DAB1: variants seen among roughly 807,000 people sequenced by gnomAD.
The protein encoded by DAB1 is disabled homolog 1.
Under a neutral mutation model 64.6 loss-of-function variants are expected in DAB1, and 15 were observed. The observed-to-expected ratio is 0.23, with a 90% CI of 0.16 to 0.36. The LOEUF is 0.36. Ranked by LOEUF, DAB1 falls within the 10% of genes least tolerant of loss-of-function variation. The probability of loss-of-function intolerance (pLI) is 1.00; values close to 1 mark genes in which losing one functional copy is unlikely to be tolerated. For synonymous variants in DAB1, 235 were observed against 251.9 expected, an observed-to-expected ratio of 0.93 and a Z score of 0.64; for missense variants, 596 against 706.7, an observed-to-expected ratio of 0.84 and a Z score of 1.78.
At chr1:58,470,472 C>G (rs1040994357) in intron 3 of DAB1, among the ~76,000 whole-genome samples, 1 of 152,158 alleles carries the variant, frequency 6.6e-6, no homozygotes, top group African/African-American at 2.4e-5. Flanking sequence ...CCGCACCTAG[C>G]CAGAGCTGGG....
At chr1:57,131,373 C>T (rs1319147675) in intron 4 of DAB1, among the ~76,000 whole-genome samples, 1 of 152,114 alleles carries the variant, frequency 6.6e-6, no homozygotes, top group African/African-American at 2.4e-5. Flanking sequence ...TCCATGAAAG[C>T]CTGCTCTAAA....
At chr1:57,342,716 G>C (rs11207015) in intron 1 of DAB1, among the ~76,000 whole-genome samples, 77,542 of 151,910 alleles carry the variant, frequency 0.51, 20,528 homozygotes, top group Non-Finnish European at 0.56. Flanking sequence ...GATGTGTTCA[G>C]AGTTTCTTCC....
At chr1:57,824,617 C>T (rs1052874338), downstream of DAB1, among the ~76,000 whole-genome samples, 1 of 152,180 alleles carries the variant, frequency 6.6e-6, no homozygotes, top group Non-Finnish European at 1.5e-5. Context: ...ATACATGTCA[C>T]ATTTTCAGTA....
intron 4 of DAB1, among the ~76,000 whole-genome samples, chr1:58,277,619 C>T (rs1304678455): frequency 1.3e-5 from 2 of 152,166 alleles, no homozygotes; most frequent in Non-Finnish European, 2.9e-5. Flanking sequence ...TGCCATTGCT[C>T]TGGGAACTCA....
chr1:57,004,054 T>C (rs1645971973), intron 14 of DAB1, among the ~76,000 whole-genome samples: 1 of 152,160 alleles, frequency 6.6e-6, no homozygotes, highest in South Asian at 2.1e-4. Context: ...TCATAGAAGG[T>C]TGAAGCTGGA....
intron 2 of DAB1, among the ~76,000 whole-genome samples, chr1:57,165,080 A>C (rs1479499583): frequency 1.3e-5 from 2 of 152,134 alleles, no homozygotes; most frequent in Non-Finnish European, 2.9e-5. Flanking sequence ...AAAAAGAGAA[A>C]GTTTCGGTTG....
intron 9 of DAB1, among the ~76,000 whole-genome samples, chr1:57,061,228 T>TGGGG (rs5774326): frequency 2.6e-5 from 3 of 114,744 alleles, no homozygotes; most frequent in East Asian, 2.3e-4. Flanking sequence ...CATATTTAGA[T>TGGGG]GGGGGGGGGG....
At chr1:58,209,056 G>A (rs540986435) in intron 4 of DAB1, among the ~76,000 whole-genome samples, 2 of 152,156 alleles carry the variant, frequency 1.3e-5, no homozygotes, top group Non-Finnish European at 1.5e-5. Context: ...GAGTTTTTCA[G>A]GAGATAAGTG....
chr1:58,258,019 G>C (rs895553031), intron 4 of DAB1, among the ~76,000 whole-genome samples: 6 of 152,180 alleles, frequency 3.9e-5, no homozygotes, highest in Non-Finnish European at 8.8e-5. Context: ...TACTGTTACC[G>C]TGGTGGGGAG....
At chr1:57,796,452 G>C (rs531531355) in intron 6 of DAB1, among the ~76,000 whole-genome samples, 9 of 151,972 alleles carry the variant, frequency 5.9e-5, no homozygotes, top group Non-Finnish European at 2.9e-5. Flanking sequence ...GCATGAACCC[G>C]GGAGGTGGAG....
intron 4 of DAB1, among the ~76,000 whole-genome samples, chr1:58,299,196 C>T (rs762660562): frequency 1.4e-4 from 22 of 152,178 alleles, no homozygotes; most frequent in Non-Finnish European, 2.6e-4. Flanking sequence ...TTTACAGACG[C>T]TCAAACTAAG....
chr1:57,476,052 C>CT (rs1212153273), intron 7 of DAB1, among the ~76,000 whole-genome samples: 2 of 151,932 alleles, frequency 1.3e-5, no homozygotes, highest in Non-Finnish European at 2.9e-5. Flanking sequence ...TTGTGAAACT[C>CT]TGTCTCCGCT....
At chr1:57,572,119 G>A (rs1254588823) in intron 7 of DAB1, among the ~76,000 whole-genome samples, 1 of 152,156 alleles carries the variant, frequency 6.6e-6, no homozygotes, top group Non-Finnish European at 1.5e-5. Context: ...GGGCCCAGAG[G>A]TCTAGAAAAC....
In DAB1 at chr1:58,113,126, G is replaced by A. The variant is rs946312; in HGVS notation, n.387+37385C>T. On this transcript the variant is annotated intron_variant and non_coding_transcript_variant, in intron 5 of 20. Transcript: ENST00000485760. Reference sequence around the variant, plus strand: ...GAAGGGTGAGGGCTGCAAAAGGATCGTGGCACAGAGGAGGGTGCCAGAAAC... The same window carrying A: ...GAAGGGTGAGGGCTGCAAAAGGATCATGGCACAGAGGAGGGTGCCAGAAAC... 6.1e-3 allele frequency among the ~76,000 whole-genome samples: 924 copies of A among 152,262 alleles called. 12 individuals are homozygous for A. The highest frequency in any genetic ancestry group is 0.021 in the African/African-American group (874 of 41,530).
chr1:57,404,267 A>G (rs1347496183), intron 1 of DAB1, among the ~76,000 whole-genome samples: 1 of 152,254 alleles, frequency 6.6e-6, no homozygotes, highest in African/African-American at 2.4e-5. Context: ...TGACAGAATA[A>G]ACTTCACAAA....
intron 4 of DAB1, among the ~76,000 whole-genome samples, chr1:57,125,275 T>G (rs894889191): frequency 2.0e-5 from 3 of 152,138 alleles, no homozygotes; most frequent in Non-Finnish European, 4.4e-5. Flanking sequence ...GAGGGCTCCC[T>G]CCTCTGGCAG....
At chr1:58,223,762 C>G (rs1231477209) in intron 4 of DAB1, among the ~76,000 whole-genome samples, 1 of 152,150 alleles carries the variant, frequency 6.6e-6, no homozygotes, top group African/African-American at 2.4e-5. Flanking sequence ...AATCCCCAGT[C>G]CTGCTGGTGC....
chr1:58,252,732 A>G (rs1660833007), intron 4 of DAB1, among the ~76,000 whole-genome samples: 1 of 152,178 alleles, frequency 6.6e-6, no homozygotes, highest in African/African-American at 2.4e-5. Flanking sequence ...GTGAAGTAGC[A>G]GAGCTGGAAC....
At chr1:57,397,765 T>C (rs910349498) in intron 1 of DAB1, among the ~76,000 whole-genome samples, 3 of 152,244 alleles carry the variant, frequency 2.0e-5, no homozygotes, top group Non-Finnish European at 4.4e-5. Flanking sequence ...TTAACTTAAA[T>C]CAACTACTTC....
Sources: allele counts gnomAD v4.1 joint callset (sites outside exome capture counted in the v4.1 genomes callset), GRCh38; gene constraint gnomAD v4.1.1; transcripts MANE v1.5; gene names NCBI Gene and HGNC (gene_info 2026-07-23, HGNC 2026-07-21).